The following CAST variants were observed in gnomAD, a reference collection of about 807,000 sequenced individuals.
CAST encodes the protein MIR583 host.
A neutral mutation model predicts 119.6 loss-of-function variants in CAST; 76 were observed. That is an observed-to-expected ratio of 0.64 (90% confidence interval 0.53 to 0.77). The LOEUF is 0.77. Ranked by LOEUF, CAST falls within the 30% of genes least tolerant of loss-of-function variation. The pLI, the probability that CAST is intolerant of heterozygous loss-of-function variation, is 0.00. For missense variants in CAST, 953 were observed against 946.5 expected (o/e 1.01, Z -0.09); for synonymous variants, 319 against 331.6 (o/e 0.96, Z 0.41).
chr5:96,679,850 G>A (rs1246768742), intron 2 of CAST, among the ~76,000 whole-genome samples: 2 of 151,624 alleles, frequency 1.3e-5, no homozygotes, highest in East Asian at 1.9e-4. Context: ...AATCACAAAA[G>A]TAATACATAC....
intron 2 of CAST, among the ~76,000 whole-genome samples, chr5:96,691,249 AC>A (rs1368417442): frequency 6.6e-6 from 1 of 152,202 alleles, no homozygotes; most frequent in Non-Finnish European, 1.5e-5. Context: ...CTTATTCAGC[AC>A]ATGACTACAT....
At chr5:96,217,966 A>G in the CAST span, among the ~76,000 whole-genome samples, 3 of 152,334 alleles carry the variant, frequency 2.0e-5, no homozygotes, top group East Asian at 1.9e-4. Context: ...CTATATTTCA[A>G]TGAAAAGTTC....
the CAST span, among the ~76,000 whole-genome samples, chr5:96,431,233 T>C: frequency 6.6e-6 from 1 of 152,208 alleles, no homozygotes; most frequent in Non-Finnish European, 1.5e-5. Flanking sequence ...CCAGACTTAC[T>C]ACTAAACTGT....
At chr5:96,158,050 C>T in the CAST span, among the ~76,000 whole-genome samples, 2 of 143,546 alleles carry the variant, frequency 1.4e-5, no homozygotes, top group African/African-American at 5.1e-5. Flanking sequence ...GCCCCCCTTA[C>T]ACCCCCCCAA....
the CAST span, among the ~76,000 whole-genome samples, chr5:95,968,666 T>G: frequency 7.9e-5 from 12 of 152,168 alleles, no homozygotes; most frequent in African/African-American, 2.7e-4. Flanking sequence ...CTTCTTTGTT[T>G]TGACTTAGAA....
At chr5:96,232,370 A>C in the CAST span, among the ~76,000 whole-genome samples, 2 of 152,142 alleles carry the variant, frequency 1.3e-5, no homozygotes, top group African/African-American at 4.8e-5. Context: ...TAGTTAACAA[A>C]ATAACATAGA....
At chr5:96,704,300 T>G (rs1033073613) in intron 3 of CAST, among the ~76,000 whole-genome samples, 3 of 152,198 alleles carry the variant, frequency 2.0e-5, no homozygotes. Flanking sequence ...TTATATAGAA[T>G]TAGTGGGGAG....
the CAST span, among the ~76,000 whole-genome samples, chr5:96,171,353 GAGA>G: frequency 1.3e-5 from 2 of 152,162 alleles, no homozygotes; most frequent in Admixed American, 6.5e-5. Flanking sequence ...CAGGCTAAGG[GAGA>G]AGAAGGAGGA....
At chr5:96,455,383 A>G in the CAST span, among the ~76,000 whole-genome samples, 1 of 152,228 alleles carries the variant, frequency 6.6e-6, no homozygotes, top group African/African-American at 2.4e-5. Context: ...CCAACAGGTG[A>G]CTTTTATTTT....
chr5:96,361,798 G>A, the CAST span, among the ~76,000 whole-genome samples: 7 of 112,704 alleles, frequency 6.2e-5, no homozygotes, highest in Admixed American at 2.1e-4. Context: ...CAGCCACACC[G>A]CTCTAGTATG....
intron 1 of CAST, among the ~76,000 whole-genome samples, chr5:96,535,257 C>T (rs1745786022): frequency 6.6e-6 from 1 of 152,120 alleles, no homozygotes; most frequent in South Asian, 2.1e-4. Context: ...ACAGTGTTGG[C>T]ATTTTGCTAA....
At chr5:96,616,187 C>A (rs1219504459) in intron 1 of CAST, among the ~76,000 whole-genome samples, 3 of 152,218 alleles carry the variant, frequency 2.0e-5, no homozygotes, top group Non-Finnish European at 4.4e-5. Flanking sequence ...AGGATCGATA[C>A]TTTGCATCCT....
chr5:96,443,829 A>G, the CAST span, among the ~76,000 whole-genome samples: 4 of 152,372 alleles, frequency 2.6e-5, no homozygotes, highest in East Asian at 5.8e-4. Flanking sequence ...AGTAAAACGA[A>G]GCAGAGAATT....
chr5:96,484,255 C>CT, the CAST span, among the ~76,000 whole-genome samples: 3 of 152,168 alleles, frequency 2.0e-5, no homozygotes, highest in African/African-American at 7.2e-5. Context: ...GCCATTATGA[C>CT]TAAGTTTCCC....
the CAST span, chr5:96,425,837 T>A: frequency 6.3e-7 from 1 of 1,593,738 alleles, no homozygotes. Flanking sequence ...CATTGCTGAT[T>A]CCACATGGGA....
At chr5:96,743,635 G>A (rs1282923025) in intron 16 of CAST, 1 of 1,613,210 alleles carries the variant, frequency 6.2e-7, no homozygotes, top group South Asian at 1.1e-5. Context: ...AGATGGGCCA[G>A]TTTCTATCTT....
At chr5:96,503,578 A>G in the CAST span, among the ~76,000 whole-genome samples, 3 of 152,204 alleles carry the variant, frequency 2.0e-5, no homozygotes, top group Non-Finnish European at 4.4e-5. Context: ...TGGGATTTCT[A>G]TTCCAGCAAC....
At chr5:96,543,922 C>T (rs1049420187) in intron 1 of CAST, among the ~76,000 whole-genome samples, 11 of 152,160 alleles carry the variant, frequency 7.2e-5, no homozygotes, top group East Asian at 3.9e-4. Flanking sequence ...ATCTATCTGT[C>T]TATTCTTTTG....
the CAST span, among the ~76,000 whole-genome samples, chr5:96,120,808 G>A: frequency 6.7e-6 from 1 of 150,196 alleles, no homozygotes; most frequent in Non-Finnish European, 1.5e-5. Context: ...TTGCTATACC[G>A]ATCTTCTTGC....
Sources: gnomAD v4.1 joint callset for allele counts (sites outside exome capture counted in the v4.1 genomes callset) on GRCh38, gnomAD v4.1.1 for gene constraint, MANE v1.5 for transcripts, NCBI Gene and HGNC (gene_info 2026-07-23, HGNC 2026-07-21) for gene names.